Variants in KIAA0319L observed in about 807,000 individuals in gnomAD.
KIAA0319L encodes the protein dyslexia-associated protein KIAA0319-like protein.
Under a neutral mutation model 120.1 loss-of-function variants are expected in KIAA0319L, and 55 were observed. That is an observed-to-expected ratio of 0.46 (90% CI 0.37 to 0.57). KIAA0319L has a LOEUF of 0.57. Among genes scored for constraint, KIAA0319L ranks in the 20% least tolerant of loss-of-function variants. The probability of loss-of-function intolerance (pLI) is 0.00; values close to 1 mark genes in which losing one functional copy is unlikely to be tolerated. For synonymous variants in KIAA0319L, 398 were observed against 471.9 expected, an observed-to-expected ratio of 0.84 and a Z score of 2.03; for missense variants, 1,049 against 1,255.3, an observed-to-expected ratio of 0.84 and a Z score of 2.48.
chr1:35,554,692 T>G (rs1470835569), intron 1 of KIAA0319L, 173 bp from the exon 2 acceptor site: 2 of 439,490 alleles, frequency 4.6e-6, no homozygotes, highest in African/African-American at 4.0e-5. Context: ...TAGCCTATAA[T>G]TATCAGAATA....
intron 2 of KIAA0319L, among the ~76,000 whole-genome samples, chr1:35,542,669 TA>T (rs1315197801): frequency 6.6e-6 from 1 of 152,232 alleles, no homozygotes; most frequent in Non-Finnish European, 1.5e-5. Flanking sequence ...TTTAAAAAAA[TA>T]AAAAAGTGTC....
At chr1:35,504,811 A>G (rs528579616) in intron 3 of KIAA0319L, among the ~76,000 whole-genome samples, 22 of 152,324 alleles carry the variant, frequency 1.4e-4, no homozygotes, top group Non-Finnish European at 2.8e-4. Flanking sequence ...ATCTTCAGAT[A>G]AAAACCAGTA....
intron 2 of KIAA0319L, among the ~76,000 whole-genome samples, chr1:35,520,476 C>T (rs1390591890): frequency 6.6e-6 from 1 of 152,112 alleles, no homozygotes; most frequent in East Asian, 1.9e-4. Context: ...TCACTGCAGC[C>T]TCAAATTCCT....
intron 3 of KIAA0319L, among the ~76,000 whole-genome samples, chr1:35,496,277 G>A (rs1260275668): frequency 5.3e-5 from 8 of 151,900 alleles, no homozygotes; most frequent in Non-Finnish European, 5.9e-5. Context: ...AAAATTAGCC[G>A]GGGATGGTGG....
intron 2 of KIAA0319L, among the ~76,000 whole-genome samples, chr1:35,548,590 T>G (rs976574152): frequency 2.1e-4 from 32 of 152,308 alleles, no homozygotes; most frequent in African/African-American, 7.7e-4. Flanking sequence ...TATAAGACAT[T>G]AGTATAAAAT....
Position 35,451,651 on chromosome 1 carries a change from G to A in KIAA0319L, c.2039C>T (p.Ser680Phe), listed in dbSNP as rs1304146091. ...KDERNLQSQSSVNVIVKEEIN... is the reference protein window; with the variant it reads ...KDERNLQSQSFVNVIVKEEIN... The stretch of plus-strand genomic sequence containing the variant: ...ACCTTCTTTGACAATGACATTCACA[G>A]AGCTCTGGCTTTGCAGGTTCCTCTC... Residue 680 changes from serine to phenylalanine, a missense_variant, in exon 13 of 21, where the codon TCT becomes TTT. Coordinates refer to ENST00000325722, the MANE Select transcript of KIAA0319L (RefSeq NM_024874.5). 1.2e-6 allele frequency: 2 copies of A among 1,613,992 alleles called. No individual in the cohort carries two copies. The highest frequency in any genetic ancestry group is 1.7e-6 in the Non-Finnish European group (2 of 1,179,996).
intron 15 of KIAA0319L, 62 bp downstream of exon 15, chr1:35,449,805 G>A: frequency 6.3e-7 from 1 of 1,586,840 alleles, no homozygotes; most frequent in Non-Finnish European, 8.6e-7. Flanking sequence ...GGGATCTCAG[G>A]ATAGAGGCCT....
chr1:35,439,892 C>T (rs1641075173), intron 20 of KIAA0319L: 1 of 152,040 alleles, frequency 6.6e-6, no homozygotes, highest in Non-Finnish European at 1.5e-5. Flanking sequence ...GAAAAGCAAA[C>T]TGATGTAAGC....
In KIAA0319L at chr1:35,453,665, T is replaced by C; in HGVS notation, c.1805A>G (p.Asp602Gly). The change falls in exon 12 of 21, where the codon GAT becomes GGT. Residue 602 changes from aspartate (D) to glycine (G), a missense_variant. Physicochemically the swap from Asp to Gly is moderately conservative, Grantham distance 94 (BLOSUM62 -1). Coordinates refer to ENST00000325722, the MANE Select transcript of KIAA0319L (RefSeq NM_024874.5). The surrounding 1 kb of genome is among the most constrained non-coding windows in gnomAD (Gnocchi z 4.1). ...QPENNKPPQA[D>G]AGPDKELTLP... is the part of the protein sequence containing the mutation. ...GGTCAGCTCTTTATCTGGGCCTGCA[T>C]CTGCCTGAGGAGGCTTATTGTTTTC... 6.2e-7 allele frequency: 1 copy of C among 1,613,910 alleles called. No homozygotes were observed. Among genetic ancestry groups the C allele is most frequent in the Non-Finnish European group, 8.5e-7 (1 of 1,179,872 alleles).
At chr1:35,442,839 CA>C in intron 18 of KIAA0319L, 66 bp downstream of exon 18, 1 of 1,598,878 alleles carries the variant, frequency 6.3e-7, no homozygotes, top group Non-Finnish European at 8.6e-7. Flanking sequence ...CACCAACACC[CA>C]CCCACTCAGT....
chr1:35,527,686 G>T (rs887798343), intron 2 of KIAA0319L, among the ~76,000 whole-genome samples: 6 of 152,034 alleles, frequency 3.9e-5, no homozygotes, highest in South Asian at 2.1e-4. Context: ...GTTTGTTCAT[G>T]TATAGTTCAT....
At chr1:35,451,500 C>G in intron 13 of KIAA0319L, 128 bp downstream of exon 13, 1 of 827,598 alleles carries the variant, frequency 1.2e-6, no homozygotes, top group Non-Finnish European at 1.9e-6. Context: ...TAACAATTGC[C>G]CTCACCCCAA....
At chr1:35,471,953 C>T (rs1428081058) in intron 5 of KIAA0319L, among the ~76,000 whole-genome samples, 8 of 152,078 alleles carry the variant, frequency 5.3e-5, no homozygotes, top group East Asian at 3.9e-4. Context: ...CAGTTGTCAG[C>T]GCCAACAGCT....
intron 2 of KIAA0319L, among the ~76,000 whole-genome samples, chr1:35,551,301 T>TTTA (rs1264666113): frequency 6.6e-5 from 10 of 152,106 alleles, no homozygotes; most frequent in Non-Finnish European, 1.3e-4. Flanking sequence ...TGGCACTCTG[T>TTTA]TTATGCCTTT....
chr1:35,483,701 T>C (rs1644260770), intron 3 of KIAA0319L, among the ~76,000 whole-genome samples: 1 of 152,236 alleles, frequency 6.6e-6, no homozygotes, highest in African/African-American at 2.4e-5. Flanking sequence ...TTGATCATTC[T>C]AGATCCCAAT....
intron 2 of KIAA0319L, among the ~76,000 whole-genome samples, chr1:35,520,143 C>T (rs1322086314): frequency 6.6e-6 from 1 of 151,848 alleles, no homozygotes; most frequent in East Asian, 1.9e-4. Context: ...CACTCTGTCG[C>T]CCAGGCTGGA....
chr1:35,471,396 G>A (rs959421160), intron 5 of KIAA0319L, among the ~76,000 whole-genome samples: 5 of 152,188 alleles, frequency 3.3e-5, no homozygotes, highest in African/African-American at 9.7e-5. Flanking sequence ...GCTTTTTACA[G>A]AGTGCTAACA....
chr1:35,474,921 A>G lies in KIAA0319L; in HGVS notation c.914-15T>C. 3 of 1,356,532 alleles carry G rather than the reference A, an allele frequency of 2.2e-6. No individual in the cohort carries two copies. Among genetic ancestry groups the G allele is most frequent in the Non-Finnish European group, 3.2e-6 (3 of 949,376 alleles). The allele number at this position is 1,356,532 out of a possible 1,614,324, so 84.0% of individuals were successfully genotyped here. A position where few individuals can be genotyped will look rare whatever the true frequency, so the allele number is the denominator to read the frequency against. ...TTCCTTTATAACTGGAAACAAAGTA[A>G]ATATACCAGAGATAAGAAATAGATC... On this transcript the variant is annotated splice_polypyrimidine_tract_variant and intron_variant, in intron 4 of 20. Transcript: ENST00000325722.
chr1:35,488,913 A>C (rs1644485695), intron 3 of KIAA0319L, among the ~76,000 whole-genome samples: 1 of 152,246 alleles, frequency 6.6e-6, no homozygotes, highest in African/African-American at 2.4e-5. Flanking sequence ...AATAAAGAAG[A>C]GACAGCAAGT....
Sources: allele counts gnomAD v4.1 joint callset (sites outside exome capture counted in the v4.1 genomes callset), GRCh38; gene constraint gnomAD v4.1.1; non-coding constraint Gnocchi (gnomAD v3.1); transcripts MANE v1.5; gene names NCBI Gene and HGNC (gene_info 2026-07-23, HGNC 2026-07-21).